TEAD1: variants seen among roughly 807,000 people sequenced by gnomAD.
The protein encoded by TEAD1 is transcriptional enhancer factor TEF-1.
A neutral mutation model predicts 54.9 loss-of-function variants in TEAD1; 9 were observed. The ratio of observed to expected loss-of-function variants is 0.16; its 90% CI spans 0.10 to 0.29. The LOEUF is 0.29. Among genes scored for constraint, TEAD1 ranks in the 10% least tolerant of loss-of-function variants. The pLI is 1.00. For missense variants in TEAD1, 387 were observed against 535.9 expected (o/e 0.72, Z 2.74); for synonymous variants, 200 against 187.8 (o/e 1.07, Z -0.53).
chr11:12,924,794 C>T (rs1948879496), intron 10 of TEAD1, 118 bp from the exon 11 acceptor site: 1 of 1,293,534 alleles, frequency 7.7e-7, no homozygotes, highest in African/African-American at 1.5e-5. Context: ...TGAGCATCAC[C>T]TTCCCAAGCC....
In TEAD1 at chr11:12,727,098, G is replaced by C. The variant is rs189609250; in HGVS notation, c.-54-37081G>C. Among the ~76,000 whole-genome samples, 88 of 152,130 alleles carry C rather than the reference G, an allele frequency of 5.8e-4. 1 individual carries two copies. Among genetic ancestry groups the C allele is most frequent in the Middle Eastern group, 6.8e-3 (2 of 294 alleles). On this transcript the variant is annotated intron_variant, in intron 2 of 12. Transcript: ENST00000527636. ...CTACTAAAAATACAAAAATCAGCTG[G>C]ACGTGGTGGTGCACGCCTGTAGTCC...
intron 8 of TEAD1, 98 bp downstream of exon 8, chr11:12,882,055 G>A: frequency 7.5e-7 from 1 of 1,340,820 alleles, no homozygotes; most frequent in Non-Finnish European, 1.1e-6. Context: ...GCTCAACTTT[G>A]CCACAGCCGC....
chr11:12,935,951 C>G (rs555783560), intron 12 of TEAD1, among the ~76,000 whole-genome samples: 1 of 152,204 alleles, frequency 6.6e-6, no homozygotes, highest in East Asian at 1.9e-4. Flanking sequence ...CAAGACTATT[C>G]TTTAAGTAGG....
At chr11:12,816,582 G>A (rs921393119) in intron 3 of TEAD1, among the ~76,000 whole-genome samples, 4 of 152,288 alleles carry the variant, frequency 2.6e-5, no homozygotes, top group South Asian at 2.1e-4. Flanking sequence ...TCAGGAAGAC[G>A]TTTTCTTTGG....
intron 3 of TEAD1, among the ~76,000 whole-genome samples, chr11:12,808,738 T>C (rs920421515): frequency 9.1e-4 from 139 of 152,206 alleles, no homozygotes; most frequent in African/African-American, 3.3e-3. Context: ...CTGCAATTTC[T>C]CTGCCTTTAC....
chr11:12,881,088 G>T, intron 7 of TEAD1, 37 bp downstream of exon 7: 3 of 1,611,462 alleles, frequency 1.9e-6, no homozygotes, highest in Non-Finnish European at 2.5e-6. Flanking sequence ...ACAACTACGG[G>T]CTGGTCCCAG....
intron 3 of TEAD1, among the ~76,000 whole-genome samples, chr11:12,805,611 A>C (rs1160838925): frequency 1.3e-5 from 2 of 152,160 alleles, no homozygotes; most frequent in African/African-American, 4.8e-5. Context: ...AAAATGCTTG[A>C]TCCCAGATTG....
intron 3 of TEAD1, among the ~76,000 whole-genome samples, chr11:12,856,260 G>A (rs902477075): frequency 5.9e-5 from 9 of 151,986 alleles, no homozygotes; most frequent in East Asian, 1.9e-4. Context: ...AAAGGGAGGC[G>A]GAGAAGAGAT....
At chr11:12,898,772 T>G (rs1331349114) in intron 9 of TEAD1, among the ~76,000 whole-genome samples, 1 of 152,218 alleles carries the variant, frequency 6.6e-6, no homozygotes, top group Non-Finnish European at 1.5e-5. Context: ...TCACATATGT[T>G]GCAAATATTA....
At chr11:12,870,943 C>T (rs1947734687) in intron 5 of TEAD1, among the ~76,000 whole-genome samples, 1 of 152,092 alleles carries the variant, frequency 6.6e-6, no homozygotes, top group Non-Finnish European at 1.5e-5. Flanking sequence ...AACTGCAGGC[C>T]TAGAAGAGAG....
intron 3 of TEAD1, among the ~76,000 whole-genome samples, chr11:12,803,459 T>G (rs1243949385): frequency 6.6e-6 from 1 of 152,216 alleles, no homozygotes; most frequent in Non-Finnish European, 1.5e-5. Flanking sequence ...GGCTTGTTGG[T>G]AAAATAGGAA....
intron 2 of TEAD1, among the ~76,000 whole-genome samples, chr11:12,705,284 G>T (rs1309551774): frequency 6.6e-6 from 1 of 152,180 alleles, no homozygotes; most frequent in African/African-American, 2.4e-5. Context: ...CAGAATCCTA[G>T]AATTTTGCCA....
At chr11:12,812,294 A>G (rs1393105829) in intron 3 of TEAD1, among the ~76,000 whole-genome samples, 1 of 152,164 alleles carries the variant, frequency 6.6e-6, no homozygotes, top group East Asian at 1.9e-4. Context: ...TGTGACTGAA[A>G]GGATTTCAGG....
intron 3 of TEAD1, among the ~76,000 whole-genome samples, chr11:12,811,493 C>G (rs540523829): frequency 8.4e-4 from 128 of 152,294 alleles, no homozygotes; most frequent in African/African-American, 2.9e-3. Flanking sequence ...GCAGACCTTC[C>G]TCTTGTGAAT....
At chr11:12,776,667 A>G (rs1388183232) in intron 3 of TEAD1, among the ~76,000 whole-genome samples, 2 of 151,708 alleles carry the variant, frequency 1.3e-5, no homozygotes, top group African/African-American at 4.8e-5. Context: ...TACCCTGCAG[A>G]TAATTCTGTC....
chr11:12,745,095 T>G (rs7949872), intron 2 of TEAD1, among the ~76,000 whole-genome samples: 9 of 152,334 alleles, frequency 5.9e-5, no homozygotes, highest in African/African-American at 2.2e-4. Context: ...TGGGAGACAC[T>G]GCTGGGGAAA....
chr11:12,760,527 T>C (rs1286485864), intron 2 of TEAD1, among the ~76,000 whole-genome samples: 1 of 152,172 alleles, frequency 6.6e-6, no homozygotes, highest in Non-Finnish European at 1.5e-5. Context: ...CTGAATTTAG[T>C]GAAAGCTGAC....
intron 10 of TEAD1, among the ~76,000 whole-genome samples, chr11:12,919,125 CTG>C: frequency 6.6e-6 from 1 of 152,170 alleles, no homozygotes; most frequent in East Asian, 1.9e-4. Context: ...TTATGTAAAA[CTG>C]TTAACTTTGA....
chr11:12,697,712 G>A (rs372550658), intron 2 of TEAD1, among the ~76,000 whole-genome samples: 2 of 152,190 alleles, frequency 1.3e-5, no homozygotes, highest in Non-Finnish European at 2.9e-5. Flanking sequence ...GTGAAAGAAG[G>A]GGGGTATGTA....
Sources: allele counts gnomAD v4.1 joint callset (sites outside exome capture counted in the v4.1 genomes callset), GRCh38; gene constraint gnomAD v4.1.1; transcripts MANE v1.5; gene names NCBI Gene and HGNC (gene_info 2026-07-23, HGNC 2026-07-21).